Variants in CDH2 observed in about 807,000 individuals in gnomAD.
CDH2 encodes cadherin-2.
A neutral mutation model predicts 92.0 loss-of-function variants in CDH2; 17 were observed. The observed-to-expected ratio is 0.18, with a 90% confidence interval of 0.13 to 0.28. The LOEUF is 0.28. Among genes scored for constraint, CDH2 ranks in the 10% least tolerant of loss-of-function variants. The pLI is 1.00. For missense variants in CDH2, 862 were observed against 1,133.1 expected (o/e 0.76, Z 3.44); for synonymous variants, 419 against 415.9 (o/e 1.01, Z -0.09).
chr18:28,153,752 G>A (rs2016163248), intron 1 of CDH2, among the ~76,000 whole-genome samples: 1 of 152,202 alleles, frequency 6.6e-6, no homozygotes, highest in Non-Finnish European at 1.5e-5. Flanking sequence ...AGGATTAAAT[G>A]AGTTAATATG....
intron 2 of CDH2, among the ~76,000 whole-genome samples, chr18:28,141,696 G>A (rs2015956218): frequency 6.6e-6 from 1 of 151,882 alleles, no homozygotes; most frequent in South Asian, 2.1e-4. Context: ...GAATGATCCT[G>A]TTTTGAAAGT....
chr18:28,125,835 T>C (rs2015668707), intron 2 of CDH2, among the ~76,000 whole-genome samples: 1 of 152,178 alleles, frequency 6.6e-6, no homozygotes. Context: ...GTACTCCTGA[T>C]TACAAAATGC....
At chr18:27,949,839 T>TTG (rs1598980231), downstream of CDH2, among the ~76,000 whole-genome samples, 1 of 152,018 alleles carries the variant, frequency 6.6e-6, no homozygotes, top group South Asian at 2.1e-4. Flanking sequence ...TTTATATTTA[T>TTG]TGTGTATATA....
chr18:28,012,121 C>T (rs1259736620), intron 3 of CDH2, 129 bp from the exon 4 acceptor site: 1 of 712,340 alleles, frequency 1.4e-6, no homozygotes, highest in Non-Finnish European at 2.2e-6. Context: ...GTCTGGAGGC[C>T]CTTTTCCCTG....
At chr18:28,151,705 A>G (rs933605226) in intron 1 of CDH2, among the ~76,000 whole-genome samples, 1 of 152,182 alleles carries the variant, frequency 6.6e-6, no homozygotes, top group Admixed American at 6.5e-5. Flanking sequence ...AAGAGGAGAA[A>G]GAGGCATCCT....
rs553779081 is a variant in CDH2 at position 27,992,310 on chromosome 18, G to A, written c.1344+345C>T. On this transcript the variant is annotated intron_variant, in intron 9 of 15. Coordinates refer to ENST00000269141, the MANE Select transcript of CDH2 (RefSeq NM_001792.5). Reference sequence around the variant, plus strand: ...CTACACTAACAGTTAATGTTGTTCAGGCCAGTCCTATCCTCAGATTGGTAA... The same window carrying A: ...CTACACTAACAGTTAATGTTGTTCAAGCCAGTCCTATCCTCAGATTGGTAA... Among the ~76,000 whole-genome samples, 9 of 152,134 alleles carry A rather than the reference G, an allele frequency of 5.9e-5. No homozygotes were observed. In the South Asian group the frequency reaches 1.9e-3, roughly 32 times the overall value.
intron 4 of CDH2, 83 bp from the exon 5 acceptor site, chr18:28,009,955 C>G (rs967409879): frequency 4.9e-5 from 52 of 1,059,428 alleles, no homozygotes; most frequent in Non-Finnish European, 6.6e-5. Flanking sequence ...ACTTCATGCC[C>G]TTTTTCAGCT....
At chr18:27,943,563 G>T (rs1909194265) in intron 6 of CDH2, among the ~76,000 whole-genome samples, 1 of 152,272 alleles carries the variant, frequency 6.6e-6, no homozygotes, top group East Asian at 1.9e-4. Context: ...TCTTAGAATT[G>T]TTAAAATGTG....
rs777888588 is a variant in CDH2 at position 27,985,252 on chromosome 18, A to G, written c.1976-19T>C. 2 of 1,422,480 alleles carry G rather than the reference A, an allele frequency of 1.4e-6. No individual in the cohort carries two copies. Among genetic ancestry groups the G allele is most frequent in the Non-Finnish European group, 2.0e-6 (2 of 1,010,400 alleles). The allele number at this position is 1,422,480 out of a possible 1,614,324, so 88.1% of individuals were successfully genotyped here. A position where few individuals can be genotyped will look rare whatever the true frequency, so the allele number is the denominator to read the frequency against. ...AAATCACCTATATGAAAAAGGAAAA[A>G]CATAGTTTGATAGGTAATACTTAAA... is the stretch of plus-strand genomic sequence containing the variant. On this transcript the variant is annotated intron_variant, in intron 12 of 15. Coordinates refer to ENST00000269141, the MANE Select transcript of CDH2 (RefSeq NM_001792.5).
chr18:28,169,417 T>A (rs2016432366), intron 1 of CDH2, among the ~76,000 whole-genome samples: 1 of 151,848 alleles, frequency 6.6e-6, no homozygotes, highest in African/African-American at 2.4e-5. Flanking sequence ...GAGAAAAGAG[T>A]CATTTTACAT....
intron 14 of CDH2, among the ~76,000 whole-genome samples, chr18:27,977,773 ATTCT>A (rs1368859390): frequency 9.2e-5 from 14 of 152,212 alleles, no homozygotes; most frequent in Non-Finnish European, 7.3e-5. Context: ...AGCAAAAATT[ATTCT>A]TTAAGACTGT....
At chr18:28,008,781 G>A (rs1418454228) in intron 5 of CDH2, among the ~76,000 whole-genome samples, 1 of 151,734 alleles carries the variant, frequency 6.6e-6, no homozygotes, top group Non-Finnish European at 1.5e-5. Context: ...AATTTTAAAA[G>A]TTGGTAAAAG....
At chr18:27,967,862 T>C (rs755658099) in intron 14 of CDH2, among the ~76,000 whole-genome samples, 10 of 152,210 alleles carry the variant, frequency 6.6e-5, no homozygotes, top group Non-Finnish European at 1.5e-4. Context: ...ACAACGAGTT[T>C]AACTCAGAGC....
rs767390317 is a variant in CDH2 at position 27,982,928 on chromosome 18, T to G, written c.2349+16A>C. ...GATCATAAAATTTATTTTTAAAGAT[T>G]TAAAGCACTGCTCACCTGGTCTTCT... On this transcript the variant is annotated intron_variant, in intron 14 of 15. Transcript: ENST00000269141. The G allele has an allele frequency of 8.4e-6, 13 of 1,550,650 alleles. No homozygotes were observed. In the African/African-American group the frequency reaches 1.5e-4, roughly 18 times the overall value.
intron 2 of CDH2, among the ~76,000 whole-genome samples, chr18:28,027,325 A>T (rs112041294): frequency 6.4e-4 from 98 of 152,106 alleles, no homozygotes; most frequent in Non-Finnish European, 8.2e-4. Context: ...AAAAAAAAAA[A>T]TTTTCAAATT....
chr18:27,996,009 C>A (rs2012569235), intron 7 of CDH2, among the ~76,000 whole-genome samples: 1 of 152,168 alleles, frequency 6.6e-6, no homozygotes, highest in Admixed American at 6.5e-5. Context: ...AAGTGTTCGA[C>A]TTCCCACTCT....
intron 2 of CDH2, among the ~76,000 whole-genome samples, chr18:28,141,330 G>C: frequency 6.6e-6 from 1 of 151,824 alleles, no homozygotes; most frequent in Middle Eastern, 3.2e-3. Flanking sequence ...AGTCGCAAAA[G>C]GTGTATGAGG....
intron 2 of CDH2, among the ~76,000 whole-genome samples, chr18:28,082,062 G>GA (rs113201019): frequency 2.6e-5 from 4 of 152,020 alleles, no homozygotes; most frequent in African/African-American, 9.6e-5. Flanking sequence ...ATCTTTTTGT[G>GA]AAAAAATGAC....
chr18:27,945,812 T>C (rs1909255288), intron 6 of CDH2, among the ~76,000 whole-genome samples: 1 of 152,180 alleles, frequency 6.6e-6, no homozygotes, highest in Non-Finnish European at 1.5e-5. Context: ...GACTGATGTT[T>C]TACCAATCCA....
Sources: gnomAD v4.1 joint callset for allele counts (sites outside exome capture counted in the v4.1 genomes callset) on GRCh38, gnomAD v4.1.1 for gene constraint, MANE v1.5 for transcripts, NCBI Gene and HGNC (gene_info 2026-07-23, HGNC 2026-07-21) for gene names.